The following ZSWIM6 variants were observed in gnomAD, a reference collection of about 807,000 sequenced individuals.
ZSWIM6 encodes zinc finger SWIM-type containing 6, also known as zinc finger SWIM domain-containing protein 6.
A neutral mutation model predicts 113.2 loss-of-function variants in ZSWIM6; 9 were observed. The ratio of observed to expected loss-of-function variants is 0.08; its 90% CI spans 0.05 to 0.14. ZSWIM6 has a LOEUF of 0.14. Ranked by LOEUF, ZSWIM6 falls within the 10% of genes least tolerant of loss-of-function variation. ZSWIM6 has a pLI of 1.00. For missense variants in ZSWIM6, 1,162 were observed against 1,552.2 expected (o/e 0.75, Z 4.22); for synonymous variants, 611 against 606.5 (o/e 1.01, Z -0.11).
chr5:61,513,766 G>T (rs968723549), intron 4 of ZSWIM6, among the ~76,000 whole-genome samples: 1 of 151,930 alleles, frequency 6.6e-6, no homozygotes, highest in Non-Finnish European at 1.5e-5. Context: ...ACCTTGAATT[G>T]ACTATATTTG....
In ZSWIM6 at chr5:61,410,042, A is replaced by G. The variant is rs569871555; in HGVS notation, c.677-62639A>G. 2.6e-5 allele frequency among the ~76,000 whole-genome samples: 4 copies of G among 152,266 alleles called. 1 individual carries two copies. In the South Asian group the frequency reaches 8.3e-4, roughly 32 times the overall value. On this transcript the variant is annotated intron_variant, in intron 1 of 13. Transcript: ENST00000252744. ...GAAGCCTTGGACTTATTTGTCCTTC[A>G]TGTTGAGAAGCTTCCGTATGATCTT... is the stretch of plus-strand genomic sequence containing the variant.
At chr5:61,406,496 G>A (rs1746045671) in intron 1 of ZSWIM6, among the ~76,000 whole-genome samples, 1 of 151,968 alleles carries the variant, frequency 6.6e-6, no homozygotes, top group African/African-American at 2.4e-5. Flanking sequence ...AGGCAAAGTT[G>A]TCTACAGTCA....
intron 1 of ZSWIM6, among the ~76,000 whole-genome samples, chr5:61,417,594 A>C (rs1746282688): frequency 6.6e-6 from 1 of 152,224 alleles, no homozygotes. Context: ...AGCAAAAGCT[A>C]ATCAAAAGAG....
intron 2 of ZSWIM6, among the ~76,000 whole-genome samples, chr5:61,479,167 T>A (rs1450070237): frequency 6.7e-6 from 1 of 149,100 alleles, no homozygotes; most frequent in Non-Finnish European, 1.5e-5. Flanking sequence ...CAGGACTCTG[T>A]CTCAAAAAAA....
intron 1 of ZSWIM6, among the ~76,000 whole-genome samples, chr5:61,372,005 A>G (rs940506779): frequency 6.6e-6 from 1 of 151,178 alleles, no homozygotes; most frequent in East Asian, 1.9e-4. Flanking sequence ...TAATGTCTAC[A>G]GAAGAGATTT....
chr5:61,361,503 A>C (rs143670133), intron 1 of ZSWIM6, among the ~76,000 whole-genome samples: 158 of 152,348 alleles, frequency 1.0e-3, no homozygotes, highest in African/African-American at 3.6e-3. Context: ...GTAAATATTG[A>C]AAAAGAAAGT....
intron 8 of ZSWIM6, among the ~76,000 whole-genome samples, chr5:61,530,839 G>A (rs936197373): frequency 6.6e-6 from 1 of 152,278 alleles, no homozygotes; most frequent in Admixed American, 6.5e-5. Flanking sequence ...CCCTGTGATA[G>A]TTGCCTTCAT....
chr5:61,538,709 G>T (rs753979816), intron 10 of ZSWIM6, 105 bp from the exon 11 acceptor site: 240 of 1,287,366 alleles, frequency 1.9e-4, no homozygotes, highest in Non-Finnish European at 2.5e-4. Flanking sequence ...TTGAGTAGAG[G>T]CCTGAACATC....
intron 1 of ZSWIM6, among the ~76,000 whole-genome samples, chr5:61,422,302 A>G (rs913277870): frequency 3.3e-5 from 5 of 152,230 alleles, no homozygotes; most frequent in African/African-American, 9.6e-5. Flanking sequence ...TAATTTTCCC[A>G]GCACCATTTA....
At chr5:61,373,925 G>T (rs1230631205) in intron 1 of ZSWIM6, among the ~76,000 whole-genome samples, 1 of 152,094 alleles carries the variant, frequency 6.6e-6, no homozygotes, top group East Asian at 1.9e-4. Flanking sequence ...TTCATAATTA[G>T]CTCACTTTAT....
intron 1 of ZSWIM6, among the ~76,000 whole-genome samples, chr5:61,461,160 C>T (rs1747315996): frequency 6.6e-6 from 1 of 152,154 alleles, no homozygotes; most frequent in Non-Finnish European, 1.5e-5. Flanking sequence ...TATCCTTTCT[C>T]TCTCCCCTTC....
At chr5:61,542,113 C>A in intron 13 of ZSWIM6, 148 bp downstream of exon 13, 2 of 602,808 alleles carry the variant, frequency 3.3e-6, no homozygotes, top group Non-Finnish European at 5.8e-6. Flanking sequence ...TTCTCCCTGA[C>A]CCCTTACCCC....
At chr5:61,363,648 A>G (rs985498599) in intron 1 of ZSWIM6, among the ~76,000 whole-genome samples, 2 of 152,322 alleles carry the variant, frequency 1.3e-5, no homozygotes, top group South Asian at 2.1e-4. Context: ...CTAGCTATCA[A>G]GGATGGACGT....
intron 1 of ZSWIM6, among the ~76,000 whole-genome samples, chr5:61,348,131 A>T (rs1017983230): frequency 5.3e-5 from 8 of 152,120 alleles, no homozygotes; most frequent in African/African-American, 1.9e-4. Context: ...TGAGGCAGGA[A>T]AATGGCGTCA....
chr5:61,503,554 G>A (rs1748529444), intron 4 of ZSWIM6, among the ~76,000 whole-genome samples: 1 of 152,138 alleles, frequency 6.6e-6, no homozygotes, highest in Admixed American at 6.6e-5. Flanking sequence ...TGAGTTGAAT[G>A]GAAGAATCCC....
At chr5:61,459,682 A>G (rs969070376) in intron 1 of ZSWIM6, among the ~76,000 whole-genome samples, 4 of 152,188 alleles carry the variant, frequency 2.6e-5, no homozygotes, top group Non-Finnish European at 4.4e-5. Context: ...TTACATTTTT[A>G]TTTATTCATT....
At chr5:61,392,609 C>CATTT (rs1051000390) in intron 1 of ZSWIM6, among the ~76,000 whole-genome samples, 5 of 152,160 alleles carry the variant, frequency 3.3e-5, no homozygotes, top group East Asian at 3.9e-4. Context: ...TGTTTACCGG[C>CATTT]ATTTATTTAT....
intron 1 of ZSWIM6, among the ~76,000 whole-genome samples, chr5:61,442,873 T>C (rs1001419799): frequency 6.6e-6 from 1 of 152,204 alleles, no homozygotes; most frequent in Non-Finnish European, 1.5e-5. Context: ...ACTCCATTGT[T>C]TAAGGCTATA....
intron 1 of ZSWIM6, among the ~76,000 whole-genome samples, chr5:61,453,400 G>T (rs1747127736): frequency 1.4e-5 from 2 of 141,208 alleles, no homozygotes. Flanking sequence ...TTTTGTGCCA[G>T]GGTCTTACTC....
Sources: gnomAD v4.1 joint callset for allele counts (sites outside exome capture counted in the v4.1 genomes callset) on GRCh38, gnomAD v4.1.1 for gene constraint, MANE v1.5 for transcripts, NCBI Gene and HGNC (gene_info 2026-07-23, HGNC 2026-07-21) for gene names.